The following MED12L variants were observed in gnomAD, a reference collection of about 807,000 sequenced individuals.
MED12L encodes the protein mediator of RNA polymerase II transcription subunit 12-like protein.
In MED12L, 60 loss-of-function variants were observed where a neutral mutation model predicts 281.3. That is an observed-to-expected ratio of 0.21 (90% CI 0.17 to 0.26). MED12L has a LOEUF of 0.26. Ranked by LOEUF, MED12L falls within the 10% of genes least tolerant of loss-of-function variation. The probability of loss-of-function intolerance (pLI) is 1.00; values close to 1 mark genes in which losing one functional copy is unlikely to be tolerated. For synonymous variants in MED12L, 974 were observed against 987.2 expected (o/e 0.99, Z 0.25); for missense variants, 2,146 against 2,680.9 (o/e 0.80, Z 4.41).
rs531443713 is a variant in MED12L, at chr3:151,273,402, A to ATTTTTT, written c.2251-76642_2251-76637dup. Among the ~76,000 whole-genome samples, 8 of 113,622 alleles carry ATTTTTT rather than the reference A, an allele frequency of 7.0e-5. No individual in the cohort carries two copies. The East Asian group carries it at 7.5e-4, about 11-fold the overall frequency. The allele number at this position is 113,622 out of a possible 152,430, so 74.5% of individuals were successfully genotyped here. A position where few individuals can be genotyped will look rare whatever the true frequency, so the allele number is the denominator to read the frequency against. On this transcript the variant is annotated intron_variant, in intron 16 of 44. Transcript: ENST00000687756. ...ACCACCATGCCCGGCTAATTTTTGT[A>ATTTTTT]TTTTTTTTTTTTTTTTTTTTAGTAG...
intron 16 of MED12L, among the ~76,000 whole-genome samples, chr3:151,194,465 T>C (rs1056330584): frequency 6.6e-6 from 1 of 152,086 alleles, no homozygotes; most frequent in African/African-American, 2.4e-5. Flanking sequence ...AATAATTGAG[T>C]AAAAACACAA....
intron 16 of MED12L, among the ~76,000 whole-genome samples, chr3:151,210,480 A>T (rs547647840): frequency 6.0e-4 from 91 of 152,318 alleles, no homozygotes; most frequent in African/African-American, 2.1e-3. Flanking sequence ...TTTTTATATG[A>T]TTATGATCTT....
intron 43 of MED12L, among the ~76,000 whole-genome samples, chr3:151,424,869 C>G (rs1005240801): frequency 6.6e-6 from 1 of 152,130 alleles, no homozygotes; most frequent in Non-Finnish European, 1.5e-5. Flanking sequence ...AATCTGTGGA[C>G]TCTGTCAGTT....
intron 39 of MED12L, among the ~76,000 whole-genome samples, chr3:151,398,311 C>A (rs990983153): frequency 6.6e-6 from 1 of 152,214 alleles, no homozygotes; most frequent in African/African-American, 2.4e-5. Flanking sequence ...ATATCTAAGA[C>A]CTCACAGAGT....
chr3:151,185,197 G>T, intron 11 of MED12L, 133 bp from the exon 12 acceptor site: 1 of 751,398 alleles, frequency 1.3e-6, no homozygotes, highest in Non-Finnish European at 2.0e-6. Flanking sequence ...TTTTGGAAGC[G>T]CTTTCTAAAG....
chr3:151,224,321 CT>C (rs1402865136), intron 16 of MED12L, among the ~76,000 whole-genome samples: 1 of 151,988 alleles, frequency 6.6e-6, no homozygotes, highest in African/African-American at 2.4e-5. Context: ...GAGATAAATA[CT>C]TGTTTTCTAG....
rs1033961918 is a variant in MED12L, at chr3:151,166,004, C to G, written c.1494+22C>G. 3.8e-6 allele frequency: 6 copies of G among 1,572,078 alleles called. No individual in the cohort carries two copies. In the East Asian group the frequency reaches 1.1e-4, roughly 29 times the overall value. On this transcript the variant is annotated intron_variant, in intron 11 of 44. Transcript: ENST00000687756. Reference sequence around the variant, plus strand: ...AGAGGTAGTTAATTTTTTTTTAATTCTTTTCACCTTTTATTTTCATAGTGT... The same window carrying G: ...AGAGGTAGTTAATTTTTTTTTAATTGTTTTCACCTTTTATTTTCATAGTGT...
intron 16 of MED12L, among the ~76,000 whole-genome samples, chr3:151,267,237 T>G (rs1455847033): frequency 6.6e-6 from 1 of 152,134 alleles, no homozygotes; most frequent in Non-Finnish European, 1.5e-5. Context: ...TTTTTGACCT[T>G]TGGCTGTGAA....
chr3:151,361,731 T>G (rs1430944043), intron 21 of MED12L, among the ~76,000 whole-genome samples: 2 of 152,290 alleles, frequency 1.3e-5, no homozygotes, highest in East Asian at 3.9e-4. Flanking sequence ...TGCTTTGCTC[T>G]TGAAATCACC....
At chr3:151,256,863 G>GTT (rs1275577729) in intron 16 of MED12L, among the ~76,000 whole-genome samples, 5 of 98,292 alleles carry the variant, frequency 5.1e-5, no homozygotes, top group African/African-American at 1.1e-4. Context: ...TTTTTTTGTT[G>GTT]TTTTTTTTTT....
intron 16 of MED12L, among the ~76,000 whole-genome samples, chr3:151,222,259 T>A (rs1206108646): frequency 2.0e-5 from 3 of 152,094 alleles, no homozygotes; most frequent in African/African-American, 2.4e-5. Flanking sequence ...GGGATGAGAC[T>A]CTGGACTGTG....
rs181946158 is a variant in MED12L at position 151,166,103 on chromosome 3, C to T, written c.1494+121C>T. 6.8e-4 allele frequency: 518 copies of T among 759,234 alleles called. 3 individuals carry two copies. In the African/African-American group the frequency reaches 8.5e-3, roughly 12 times the overall value. 47.0% of individuals were successfully genotyped at this position (759,234 alleles called of 1,614,324 possible). A position where few individuals can be genotyped will look rare whatever the true frequency, so the allele number is the denominator to read the frequency against. On this transcript the variant is annotated intron_variant, in intron 11 of 44. Coordinates refer to ENST00000687756, the MANE Select transcript of MED12L (RefSeq NM_001393769.1). Reference sequence around the variant, plus strand: ...AAGTGTAGTATCTTATGAAGACATACACACTTGAAATCATTCTATTGTTGG... The same window carrying T: ...AAGTGTAGTATCTTATGAAGACATATACACTTGAAATCATTCTATTGTTGG...
At chr3:151,278,928 T>C (rs148606621) in intron 16 of MED12L, among the ~76,000 whole-genome samples, 1 of 152,354 alleles carries the variant, frequency 6.6e-6, no homozygotes, top group African/African-American at 2.4e-5. Context: ...TACTGATAAA[T>C]AGATCACAAG....
chr3:151,192,462 T>A (rs1201559112), intron 14 of MED12L, 88 bp from the exon 15 acceptor site: 2 of 965,606 alleles, frequency 2.1e-6, no homozygotes, highest in Non-Finnish European at 3.2e-6. Flanking sequence ...ACAGAGATGG[T>A]TAAAAATCCC....
rs924682632 is a variant in MED12L, at chr3:151,112,287, T to C, written c.100-4051T>C. Among the ~76,000 whole-genome samples the C allele has an allele frequency of 4.0e-5, 6 of 151,378 alleles. No homozygotes were observed. In the South Asian group the frequency reaches 1.2e-3, roughly 32 times the overall value. ...ACATTTAACAATTTCTTTTTCTTTTTTTTTTTTTTTTGAGATGGAGTCTCG... is the reference window on the plus strand; with the variant it reads ...ACATTTAACAATTTCTTTTTCTTTTCTTTTTTTTTTTGAGATGGAGTCTCG... On this transcript the variant is annotated intron_variant, in intron 2 of 44. Coordinates refer to ENST00000687756, the MANE Select transcript of MED12L (RefSeq NM_001393769.1).
chr3:151,118,267 C>T (rs1452224348), intron 3 of MED12L, among the ~76,000 whole-genome samples: 1 of 152,018 alleles, frequency 6.6e-6, no homozygotes, highest in Admixed American at 6.6e-5. Context: ...TTTCCTTTCC[C>T]TTCTCCAGAG....
intron 2 of MED12L, 94 bp downstream of exon 2, chr3:151,087,119 G>C: frequency 9.7e-7 from 1 of 1,031,046 alleles, no homozygotes; most frequent in South Asian, 1.6e-5. Context: ...CCGGCGCTGC[G>C]GTGGAAGAGG....
At chr3:151,157,236 AT>A (rs981395536) in intron 6 of MED12L, among the ~76,000 whole-genome samples, 273 of 146,646 alleles carry the variant, frequency 1.9e-3, no homozygotes, top group African/African-American at 3.1e-3. Context: ...TGAAATTAGA[AT>A]TTTTTTTTTT....
chr3:151,322,513 T>TAAA (rs1749109308), intron 16 of MED12L, among the ~76,000 whole-genome samples: 1 of 152,076 alleles, frequency 6.6e-6, no homozygotes, highest in Admixed American at 6.6e-5. Context: ...GGAACTCTTT[T>TAAA]AAACTGACTT....
Sources: gnomAD v4.1 joint callset for allele counts (sites outside exome capture counted in the v4.1 genomes callset) on GRCh38, gnomAD v4.1.1 for gene constraint, MANE v1.5 for transcripts, NCBI Gene and HGNC (gene_info 2026-07-23, HGNC 2026-07-21) for gene names.